USP22: variants seen among roughly 807,000 people sequenced by gnomAD.
USP22 encodes the protein ubiquitin specific peptidase 22.
USP22 carries 22 observed loss-of-function variants against 68.1 expected under a neutral mutation model. The ratio of observed to expected loss-of-function variants is 0.32; its 90% confidence interval spans 0.23 to 0.46. The LOEUF is 0.46. USP22 is among the 20% of genes least tolerant of loss of function. The probability of loss-of-function intolerance (pLI) is 1.00; values close to 1 mark genes in which losing one functional copy is unlikely to be tolerated. For synonymous variants in USP22, 279 were observed against 274.2 expected (o/e 1.02, Z -0.17); for missense variants, 433 against 695.8 (o/e 0.62, Z 4.25).
Position 21,002,832 on chromosome 17 carries a change from G to A in USP22, c.*199C>T. ...CCTCATCTCATCCATCTTCAAAGCAGCTCCAGGAGCCTCCCCGTCCGTGTG... is the reference window on the plus strand; with the variant it reads ...CCTCATCTCATCCATCTTCAAAGCAACTCCAGGAGCCTCCCCGTCCGTGTG... On this transcript the variant is annotated 3_prime_UTR_variant, in exon 13 of 13. Transcript: ENST00000261497. The A allele has an allele frequency of 1.7e-6, 1 of 604,578 alleles. No individual in the cohort carries two copies. The highest frequency in any genetic ancestry group is 3.0e-6 in the Non-Finnish European group (1 of 337,090). 37.5% of individuals were successfully genotyped at this position (604,578 alleles called of 1,614,324 possible). A position where few individuals can be genotyped will look rare whatever the true frequency, so the allele number is the denominator to read the frequency against.
chr17:21,014,963 C>T (rs191056805), intron 6 of USP22, among the ~76,000 whole-genome samples: 5 of 152,260 alleles, frequency 3.3e-5, no homozygotes, highest in African/African-American at 7.2e-5. Context: ...GAATCAGAAA[C>T]GCCAGCACGG....
chr17:21,013,420 G>A (rs1035776510), intron 6 of USP22, among the ~76,000 whole-genome samples: 1 of 152,272 alleles, frequency 6.6e-6, no homozygotes, highest in South Asian at 2.1e-4. Context: ...AGGGGACAGC[G>A]TGTCTTCCAG....
chr17:21,016,855 T>C (rs1199853166), intron 5 of USP22, among the ~76,000 whole-genome samples: 1 of 152,194 alleles, frequency 6.6e-6, no homozygotes, highest in Non-Finnish European at 1.5e-5. Context: ...TACACAACTA[T>C]GCATTCGTCG....
rs527422753 is a variant in USP22, at chr17:21,028,412, G to C, written c.304+130C>G. The C allele has an allele frequency of 1.3e-4, 179 of 1,412,164 alleles. 2 individuals carry two copies. The East Asian group carries it at 1.9e-3, about 15-fold the overall frequency. The allele number at this position is 1,412,164 out of a possible 1,614,324, so 87.5% of individuals were successfully genotyped here. A position where few individuals can be genotyped will look rare whatever the true frequency, so the allele number is the denominator to read the frequency against. ...TCCCTTTCACTTCCAAGTGTCACCAGTGAGGGGCACGCATTACTTGAGACA... is the reference window on the plus strand; with the variant it reads ...TCCCTTTCACTTCCAAGTGTCACCACTGAGGGGCACGCATTACTTGAGACA... On this transcript the variant is annotated intron_variant, in intron 2 of 12. Transcript: ENST00000261497.
intron 9 of USP22, 117 bp downstream of exon 9, chr17:21,007,753 C>A: frequency 7.5e-7 from 1 of 1,333,312 alleles, no homozygotes. Context: ...CCTCGGTGTT[C>A]TTCCTGCTTG....
At chr17:21,039,516 A>T (rs528726696) in intron 1 of USP22, among the ~76,000 whole-genome samples, 1 of 152,166 alleles carries the variant, frequency 6.6e-6, no homozygotes, top group East Asian at 2.0e-4. Flanking sequence ...GTGAGCCGAG[A>T]TCACGCCATT....
At chr17:21,019,792 G>C (rs34938799) in intron 3 of USP22, among the ~76,000 whole-genome samples, 9,676 of 152,288 alleles carry the variant, frequency 0.064, 436 homozygotes, top group Middle Eastern at 0.12. Context: ...AAAAGACACA[G>C]CATGTTGGAT....
intron 10 of USP22, among the ~76,000 whole-genome samples, chr17:21,005,485 C>T (rs914037208): frequency 1.3e-5 from 2 of 152,196 alleles, no homozygotes; most frequent in Non-Finnish European, 2.9e-5. Context: ...GGAAGCCATG[C>T]ACATTATTTA....
At chr17:21,013,787 C>G (rs1315730282) in intron 6 of USP22, among the ~76,000 whole-genome samples, 2 of 152,174 alleles carry the variant, frequency 1.3e-5, no homozygotes, top group Non-Finnish European at 2.9e-5. Context: ...GAATGATGAA[C>G]AGAATGGCCA....
Position 21,002,954 on chromosome 17 carries a change from G to C in USP22, c.*77C>G. The C allele has an allele frequency of 3.3e-6, 5 of 1,509,988 alleles. No homozygotes were observed. In the South Asian group the frequency reaches 4.6e-5, roughly 14 times the overall value. The allele number at this position is 1,509,988 out of a possible 1,614,324, so 93.5% of individuals were successfully genotyped here. On this transcript the variant is annotated 3_prime_UTR_variant, in exon 13 of 13. Transcript: ENST00000261497. Reference sequence around the variant, plus strand: ...GGGAGGCGGCGGGAGACTTGGGGGAGGGGGGGGCCAGGGAGGATCACTTTG... The same window carrying C: ...GGGAGGCGGCGGGAGACTTGGGGGACGGGGGGGCCAGGGAGGATCACTTTG...
chr17:21,026,031 A>C (rs1020607200), intron 2 of USP22, among the ~76,000 whole-genome samples: 1 of 152,118 alleles, frequency 6.6e-6, no homozygotes, highest in African/African-American at 2.4e-5. Flanking sequence ...AGGCCGAGGC[A>C]GGCGATCACC....
intron 7 of USP22, 60 bp downstream of exon 7, chr17:21,012,770 G>C: frequency 6.9e-7 from 1 of 1,455,392 alleles, no homozygotes; most frequent in Non-Finnish European, 9.6e-7. Context: ...TGGAGACTGG[G>C]AGGATGTCAG....
chr17:21,001,020 G>A lies in USP22; in HGVS notation c.*2011C>T, dbSNP rs985612655. 3 of 134,756 alleles carry A rather than the reference G, an allele frequency of 2.2e-5. No individual in the cohort carries two copies. Among genetic ancestry groups the A allele is most frequent in the Non-Finnish European group, 4.6e-5 (3 of 65,162 alleles). 8.3% of individuals were successfully genotyped at this position (134,756 alleles called of 1,614,324 possible). A position where few individuals can be genotyped will look rare whatever the true frequency, so the allele number is the denominator to read the frequency against. ...AGCCGAGACTGTGCCACTCACTCCA[G>A]CCTGGGCAACAAACTCCATCTCAAA... On this transcript the variant is annotated 3_prime_UTR_variant, in exon 13 of 13. Transcript: ENST00000261497.
intron 6 of USP22, among the ~76,000 whole-genome samples, chr17:21,013,307 G>A (rs1004454366): frequency 8.5e-5 from 13 of 152,132 alleles, no homozygotes; most frequent in Admixed American, 6.5e-5. Context: ...AGGTACACCC[G>A]GGGAAGCCCC....
At chr17:21,013,754 A>G (rs1914041659) in intron 6 of USP22, among the ~76,000 whole-genome samples, 1 of 152,216 alleles carries the variant, frequency 6.6e-6, no homozygotes, top group African/African-American at 2.4e-5. Context: ...GAGGACAAGA[A>G]TATCCATACA....
At chr17:21,038,847 C>G (rs1972389770) in intron 1 of USP22, among the ~76,000 whole-genome samples, 1 of 152,294 alleles carries the variant, frequency 6.6e-6, no homozygotes, top group Non-Finnish European at 1.5e-5. Context: ...CAGTTCCTAT[C>G]TTTACAGACA....
At chr17:21,014,809 G>A (rs889617242) in intron 6 of USP22, among the ~76,000 whole-genome samples, 2 of 152,168 alleles carry the variant, frequency 1.3e-5, no homozygotes, top group African/African-American at 4.8e-5. Context: ...TGCCAGCCCA[G>A]AGACCACAGG....
chr17:21,031,874 T>C (rs769433299), intron 1 of USP22, among the ~76,000 whole-genome samples: 2 of 152,226 alleles, frequency 1.3e-5, no homozygotes, highest in Admixed American at 6.5e-5. Flanking sequence ...CCAACACAGC[T>C]AAGAGACAGC....
rs1245662884 is a variant in USP22, at chr17:21,012,683, C to T, written c.944+147G>A. 7.0e-6 allele frequency: 5 copies of T among 717,856 alleles called. No homozygotes were observed. In the African/African-American group the frequency reaches 7.2e-5, roughly 10 times the overall value. 44.5% of individuals were successfully genotyped at this position (717,856 alleles called of 1,614,324 possible). ...CCCAAGAGGAAGCACCCCCACCCCACAACCTTCGCTCTCATGGCGTCTATT... is the reference window on the plus strand; with the variant it reads ...CCCAAGAGGAAGCACCCCCACCCCATAACCTTCGCTCTCATGGCGTCTATT... On this transcript the variant is annotated intron_variant, in intron 7 of 12. Transcript: ENST00000261497.
Sources: gnomAD v4.1 joint callset for allele counts (sites outside exome capture counted in the v4.1 genomes callset) on GRCh38, gnomAD v4.1.1 for gene constraint, MANE v1.5 for transcripts, NCBI Gene and HGNC (gene_info 2026-07-23, HGNC 2026-07-21) for gene names.